Variants in PRR16 observed in about 807,000 individuals in gnomAD.
PRR16 encodes the protein protein Largen.
In PRR16, 6 loss-of-function variants were observed where a neutral mutation model predicts 18.2. That is an observed-to-expected ratio of 0.33 (90% CI 0.18 to 0.65). The LOEUF is 0.65. Ranked by LOEUF, PRR16 falls within the 30% of genes least tolerant of loss-of-function variation. The pLI, the probability that PRR16 is intolerant of heterozygous loss-of-function variation, is 0.74. For synonymous variants in PRR16, 151 were observed against 147.8 expected (o/e 1.02, Z -0.16); for missense variants, 412 against 376.6 (o/e 1.09, Z -0.78).
chr5:120,600,215 A>G (rs1351000202), intron 1 of PRR16, among the ~76,000 whole-genome samples: 2 of 151,284 alleles, frequency 1.3e-5, no homozygotes, highest in Non-Finnish European at 3.0e-5. Flanking sequence ...TTTGTAGGAG[A>G]ATGGGTTGTA....
intron 1 of PRR16, among the ~76,000 whole-genome samples, chr5:120,628,993 A>G (rs1754968273): frequency 6.6e-6 from 1 of 152,048 alleles, no homozygotes; most frequent in African/African-American, 2.4e-5. Flanking sequence ...GATAATAAGC[A>G]TAGTACCCAA....
intron 1 of PRR16, among the ~76,000 whole-genome samples, chr5:120,600,682 AGCCTGGT>A (rs1753953839): frequency 6.6e-6 from 1 of 151,860 alleles, no homozygotes; most frequent in South Asian, 2.1e-4. Flanking sequence ...CCGGATAGTG[AGCCTGGT>A]GCCTTATAGG....
At chr5:120,527,302 G>C (rs1239334998) in intron 1 of PRR16, among the ~76,000 whole-genome samples, 1 of 152,122 alleles carries the variant, frequency 6.6e-6, no homozygotes, top group African/African-American at 2.4e-5. Flanking sequence ...TATTCGTGTG[G>C]TTAGTGTTTT....
chr5:120,617,062 C>G, intron 1 of PRR16: 1 of 957,016 alleles, frequency 1.0e-6, no homozygotes, highest in Non-Finnish European at 1.2e-6. Context: ...AGTAAATGAA[C>G]TATTTTTTAA....
At chr5:120,665,112 G>A (rs2150141352) in intron 1 of PRR16, among the ~76,000 whole-genome samples, 1 of 124,672 alleles carries the variant, frequency 8.0e-6, no homozygotes, top group South Asian at 2.7e-4. Context: ...ATCCTCTCCA[G>A]CACCTGTTGT....
At chr5:120,629,871 C>A (rs961128163) in intron 1 of PRR16, among the ~76,000 whole-genome samples, 3 of 146,046 alleles carry the variant, frequency 2.1e-5, no homozygotes, top group African/African-American at 4.9e-5. Flanking sequence ...ATTTTCTGGG[C>A]TGCATTGTTG....
At chr5:120,542,011 A>C (rs958325672) in intron 1 of PRR16, among the ~76,000 whole-genome samples, 2 of 152,036 alleles carry the variant, frequency 1.3e-5, no homozygotes, top group Admixed American at 1.3e-4. Context: ...CCCTTGTTGA[A>C]ACCAAATGAT....
intron 1 of PRR16, among the ~76,000 whole-genome samples, chr5:120,500,999 G>A (rs1353021151): frequency 6.6e-6 from 1 of 151,712 alleles, no homozygotes; most frequent in Non-Finnish European, 1.5e-5. Context: ...AAAAAAGGAA[G>A]CGACTATTAA....
intron 1 of PRR16, among the ~76,000 whole-genome samples, chr5:120,609,913 G>T (rs757098180): frequency 6.6e-6 from 1 of 152,068 alleles, no homozygotes; most frequent in South Asian, 2.1e-4. Context: ...AAATTCTCAG[G>T]CACCTCCTGA....
chr5:120,493,954 G>T (rs1275103876), intron 1 of PRR16, among the ~76,000 whole-genome samples: 2 of 151,958 alleles, frequency 1.3e-5, no homozygotes, highest in African/African-American at 4.8e-5. Flanking sequence ...CATTTGGGTT[G>T]TTTCTGGTTT....
chr5:120,489,003 T>C (rs1346709298), intron 1 of PRR16, among the ~76,000 whole-genome samples: 1 of 152,246 alleles, frequency 6.6e-6, no homozygotes, highest in African/African-American at 2.4e-5. Flanking sequence ...TTGATTGCAC[T>C]GTGGTCTGAG....
intron 1 of PRR16, among the ~76,000 whole-genome samples, chr5:120,479,776 T>C (rs1749551536): frequency 1.3e-5 from 2 of 152,118 alleles, no homozygotes. Context: ...TAAATTGACA[T>C]CTAATAGTAT....
At chr5:120,639,580 C>T (rs1469145293) in intron 1 of PRR16, among the ~76,000 whole-genome samples, 1 of 151,888 alleles carries the variant, frequency 6.6e-6, no homozygotes, top group Non-Finnish European at 1.5e-5. Context: ...AAATGCAGAA[C>T]CACAATGAGA....
chr5:120,578,655 C>T (rs1409599687), intron 1 of PRR16, among the ~76,000 whole-genome samples: 1 of 152,142 alleles, frequency 6.6e-6, no homozygotes, highest in East Asian at 1.9e-4. Flanking sequence ...CATTGATGGA[C>T]ATTTGGGTTT....
the PRR16 span, among the ~76,000 whole-genome samples, chr5:120,793,985 G>A: frequency 2.0e-5 from 3 of 152,112 alleles, no homozygotes; most frequent in East Asian, 1.9e-4. Flanking sequence ...GACCACCATT[G>A]TATAATATAC....
At chr5:120,618,104 C>A (rs1015509500) in intron 1 of PRR16, among the ~76,000 whole-genome samples, 3 of 152,014 alleles carry the variant, frequency 2.0e-5, no homozygotes, top group Non-Finnish European at 4.4e-5. Flanking sequence ...AATTTTTCCA[C>A]TTGTAGATAA....
intron 1 of PRR16, among the ~76,000 whole-genome samples, chr5:120,527,739 G>A (rs1392929086): frequency 6.6e-6 from 1 of 152,140 alleles, no homozygotes; most frequent in East Asian, 1.9e-4. Flanking sequence ...GGCTAGACAG[G>A]GTTGACAAAT....
the PRR16 span, among the ~76,000 whole-genome samples, chr5:120,774,437 A>G: frequency 6.6e-6 from 1 of 152,108 alleles, no homozygotes; most frequent in African/African-American, 2.4e-5. Flanking sequence ...TATATGTATA[A>G]ATATTATTCT....
At chr5:120,555,729 G>A (rs578206302) in intron 1 of PRR16, among the ~76,000 whole-genome samples, 4 of 151,148 alleles carry the variant, frequency 2.6e-5, no homozygotes, top group Non-Finnish European at 4.4e-5. Context: ...CCACAATAAG[G>A]CCTATCTATA....
Sources: gnomAD v4.1 joint callset for allele counts (sites outside exome capture counted in the v4.1 genomes callset) on GRCh38, gnomAD v4.1.1 for gene constraint, MANE v1.5 for transcripts, NCBI Gene and HGNC (gene_info 2026-07-23, HGNC 2026-07-21) for gene names.